Variants in LRRC37A2 observed in about 807,000 individuals in gnomAD.
The protein encoded by LRRC37A2 is leucine-rich repeat-containing protein 37A2.
LRRC37A2 carries 9 observed loss-of-function variants against 68.8 expected under a neutral mutation model. The observed-to-expected ratio is 0.13, with a 90% CI of 0.08 to 0.23. LRRC37A2 has a LOEUF of 0.23. LRRC37A2 is among the 10% of genes least tolerant of loss of function. The pLI, the probability that LRRC37A2 is intolerant of heterozygous loss-of-function variation, is 1.00. For synonymous variants in LRRC37A2, 63 were observed against 367.6 expected (o/e 0.17, Z 9.48); for missense variants, 168 against 950.4 (o/e 0.18, Z 10.82).
At chr17:46,947,667 C>T in the LRRC37A2 span, among the ~76,000 whole-genome samples, 7 of 152,218 alleles carry the variant, frequency 4.6e-5, no homozygotes, top group African/African-American at 1.7e-4. Flanking sequence ...TTGGGCTAAT[C>T]ACCCAAACCT....
chr17:46,809,137 GT>G, the LRRC37A2 span, among the ~76,000 whole-genome samples: 3 of 152,198 alleles, frequency 2.0e-5, no homozygotes, highest in South Asian at 6.2e-4. Context: ...GTTTGTGAAA[GT>G]TACAACTGCG....
chr17:46,922,175 C>T, the LRRC37A2 span, among the ~76,000 whole-genome samples: 1 of 152,134 alleles, frequency 6.6e-6, no homozygotes, highest in Non-Finnish European at 1.5e-5. Context: ...GAGTTCATGT[C>T]CTTTGTAGGG....
the LRRC37A2 span, among the ~76,000 whole-genome samples, chr17:46,761,282 C>T: frequency 1.7e-4 from 26 of 151,912 alleles, no homozygotes; most frequent in South Asian, 1.0e-3. Flanking sequence ...CAGAGCAGCC[C>T]GCCTCCACCA....
the LRRC37A2 span, among the ~76,000 whole-genome samples, chr17:46,824,861 C>T: frequency 1.3e-5 from 2 of 152,164 alleles, no homozygotes; most frequent in African/African-American, 4.8e-5. Context: ...CCCAGCTACC[C>T]TGCTCTGTCG....
the LRRC37A2 span, among the ~76,000 whole-genome samples, chr17:46,956,425 G>T: frequency 6.6e-6 from 1 of 151,626 alleles, no homozygotes; most frequent in Non-Finnish European, 1.5e-5. Flanking sequence ...CGAGTAGCTG[G>T]GATTACAGGC....
the LRRC37A2 span, among the ~76,000 whole-genome samples, chr17:46,734,046 G>T: frequency 6.6e-6 from 1 of 152,290 alleles, no homozygotes; most frequent in African/African-American, 2.4e-5. Context: ...TTTAACATCA[G>T]CAGTCTCTAG....
At chr17:46,895,853 G>A in the LRRC37A2 span, among the ~76,000 whole-genome samples, 10 of 152,188 alleles carry the variant, frequency 6.6e-5, no homozygotes, top group Non-Finnish European at 1.5e-4. Flanking sequence ...TCCTACTGCA[G>A]GTGTCTGAGG....
At chr17:46,732,796 C>T in the LRRC37A2 span, among the ~76,000 whole-genome samples, 1 of 151,984 alleles carries the variant, frequency 6.6e-6, no homozygotes, top group Non-Finnish European at 1.5e-5. Flanking sequence ...GAGAAGAGAT[C>T]GAGAGGGGAT....
chr17:46,874,854 G>C, the LRRC37A2 span: 1 of 628,762 alleles, frequency 1.6e-6, no homozygotes, highest in Admixed American at 2.6e-5. Context: ...CTGGGATTAG[G>C]GGCACGAGCC....
the LRRC37A2 span, among the ~76,000 whole-genome samples, chr17:46,891,913 C>CT: frequency 1.5e-4 from 18 of 117,302 alleles, no homozygotes; most frequent in South Asian, 5.7e-4. Context: ...CTTTTCTTTT[C>CT]TTTTCTTTTT....
chr17:46,733,079 G>A, the LRRC37A2 span, among the ~76,000 whole-genome samples: 9 of 152,216 alleles, frequency 5.9e-5, no homozygotes, highest in Admixed American at 2.6e-4. Flanking sequence ...GTTAGGAAAT[G>A]TCCGGCTTAG....
chr17:46,768,284 G>C, the LRRC37A2 span: 7 of 1,612,310 alleles, frequency 4.3e-6, no homozygotes, highest in Non-Finnish European at 5.9e-6. The surrounding 1 kb of genome is among the most constrained non-coding windows in gnomAD (Gnocchi z 5.0). Flanking sequence ...CAGGCTCCCA[G>C]CCTCCCCCCT....
chr17:46,808,454 C>G, the LRRC37A2 span, among the ~76,000 whole-genome samples: 7 of 152,184 alleles, frequency 4.6e-5, no homozygotes, highest in African/African-American at 1.7e-4. Context: ...AAATTTTTAC[C>G]CCAATAACAA....
At chr17:46,456,322 A>G in the LRRC37A2 span, among the ~76,000 whole-genome samples, 1 of 62,654 alleles carries the variant, frequency 1.6e-5, no homozygotes, top group Non-Finnish European at 3.4e-5. Flanking sequence ...TTTTATTTTT[A>G]TAGAGACAGG....
chr17:46,471,462 CGTG>C, the LRRC37A2 span, among the ~76,000 whole-genome samples: 7 of 34,498 alleles, frequency 2.0e-4, no homozygotes, highest in African/African-American at 5.9e-4. Flanking sequence ...GCCTGGCCAA[CGTG>C]GTGAAACCCT....
the LRRC37A2 span, among the ~76,000 whole-genome samples, chr17:46,848,953 G>A: frequency 1.1e-4 from 15 of 134,812 alleles, no homozygotes; most frequent in Admixed American, 1.2e-3. Context: ...CACACACAGA[G>A]CTTGGTACAC....
At chr17:46,709,930 A>G in the LRRC37A2 span, among the ~76,000 whole-genome samples, 2 of 152,236 alleles carry the variant, frequency 1.3e-5, no homozygotes, top group African/African-American at 2.4e-5. Flanking sequence ...AAGGACCAGT[A>G]TATGCAAAGA....
the LRRC37A2 span, among the ~76,000 whole-genome samples, chr17:46,494,449 C>G: frequency 6.7e-6 from 1 of 149,064 alleles, no homozygotes; most frequent in Non-Finnish European, 1.5e-5. Context: ...GCCATTGTAG[C>G]AATGAAAGCA....
the LRRC37A2 span, chr17:47,028,171 G>C: frequency 2.6e-6 from 2 of 783,908 alleles, no homozygotes. Context: ...AGTGCATAGA[G>C]AAAGGATTGA....
Sources: allele counts gnomAD v4.1 joint callset (sites outside exome capture counted in the v4.1 genomes callset), GRCh38; gene constraint gnomAD v4.1.1; non-coding constraint Gnocchi (gnomAD v3.1); transcripts MANE v1.5; gene names NCBI Gene and HGNC (gene_info 2026-07-23, HGNC 2026-07-21).